The following ARHGAP42 variants were observed in gnomAD, a reference collection of about 807,000 sequenced individuals.
The protein encoded by ARHGAP42 is Rho GTPase activating protein 42, also known as rho GTPase-activating protein 42.
ARHGAP42 carries 63 observed loss-of-function variants against 125.0 expected under a neutral mutation model. The observed-to-expected ratio is 0.50, with a 90% confidence interval of 0.41 to 0.62. ARHGAP42 has a LOEUF of 0.62. ARHGAP42 is among the 20% of genes least tolerant of loss of function. ARHGAP42 has a pLI of 0.00. For missense variants in ARHGAP42, 766 were observed against 1,024.2 expected (o/e 0.75, Z 3.44); for synonymous variants, 339 against 351.0 (o/e 0.97, Z 0.38).
At chr11:100,921,127 G>T (rs1341932408) in intron 5 of ARHGAP42, among the ~76,000 whole-genome samples, 1 of 140,152 alleles carries the variant, frequency 7.1e-6, no homozygotes, top group Non-Finnish European at 1.5e-5. Context: ...CCACCATTTT[G>T]TCCCATAATT....
chr11:100,910,110 G>A (rs547732579), intron 4 of ARHGAP42, among the ~76,000 whole-genome samples: 190 of 152,196 alleles, frequency 1.2e-3, no homozygotes, highest in African/African-American at 4.5e-3. Flanking sequence ...AGACCCAAAT[G>A]TAGCTTACTT....
In ARHGAP42 at chr11:100,735,602, C is replaced by CTTTTT. The variant is rs58522622; in HGVS notation, c.155-34722_155-34718dup. Among the ~76,000 whole-genome samples, 23 of 73,058 alleles carry CTTTTT rather than the reference C, an allele frequency of 3.1e-4. 1 individual carries two copies. The highest frequency in any genetic ancestry group is 1.6e-3 in the South Asian group (3 of 1,908). 47.9% of individuals were successfully genotyped at this position (73,058 alleles called of 152,430 possible). On this transcript the variant is annotated intron_variant, in intron 1 of 23. Coordinates refer to ENST00000298815, the MANE Select transcript of ARHGAP42 (RefSeq NM_152432.4). ...GTGATTTGACAATATTTTACTTGTA[C>CTTTTT]TTTTTTTTTTTTTTTTTTTTTTTGA...
chr11:100,872,712 G>A (rs973825434), intron 4 of ARHGAP42, among the ~76,000 whole-genome samples: 2 of 152,044 alleles, frequency 1.3e-5, no homozygotes, highest in Non-Finnish European at 2.9e-5. Context: ...TTAATATATG[G>A]ACAGGATCTG....
intron 10 of ARHGAP42, among the ~76,000 whole-genome samples, chr11:100,946,791 AAGAATCACCAAAATGTGAT>A (rs907618263): frequency 1.3e-5 from 2 of 152,064 alleles, no homozygotes; most frequent in Admixed American, 6.6e-5. Flanking sequence ...CAAATATTGC[AAGAATCACCAAAATGTGAT>A]ACAGAGACAC....
chr11:100,939,344 A>G (rs1166805499), intron 8 of ARHGAP42, among the ~76,000 whole-genome samples: 1 of 152,146 alleles, frequency 6.6e-6, no homozygotes, highest in Admixed American at 6.6e-5. Context: ...TATTCTCGGT[A>G]GTGTCAATAA....
At chr11:100,936,382 A>T (rs1423732921) in intron 8 of ARHGAP42, 50 bp downstream of exon 8, 2 of 1,548,898 alleles carry the variant, frequency 1.3e-6, no homozygotes, top group Non-Finnish European at 1.7e-6. Context: ...AGCCACGATC[A>T]TGAGATGTGA....
chr11:100,773,282 A>G (rs1731537226), intron 2 of ARHGAP42, among the ~76,000 whole-genome samples: 1 of 152,202 alleles, frequency 6.6e-6, no homozygotes, highest in African/African-American at 2.4e-5. Flanking sequence ...AATTTTCCTT[A>G]TAAACTTTAA....
chr11:100,756,605 A>C (rs1187263689), intron 1 of ARHGAP42, among the ~76,000 whole-genome samples: 2 of 152,206 alleles, frequency 1.3e-5, no homozygotes, highest in African/African-American at 4.8e-5. Context: ...GGCCGATTAC[A>C]TGCTGATTAA....
At chr11:100,883,702 A>G (rs553520061) in intron 4 of ARHGAP42, among the ~76,000 whole-genome samples, 1 of 152,292 alleles carries the variant, frequency 6.6e-6, no homozygotes, top group Non-Finnish European at 1.5e-5. Context: ...ATTAATTGTA[A>G]AATTCTGAAA....
rs532026227 is a variant in ARHGAP42, at chr11:100,781,569, A to G, written c.250+11131A>G. 6.3e-4 allele frequency among the ~76,000 whole-genome samples: 96 copies of G among 152,284 alleles called. 1 individual carries two copies. The South Asian group carries it at 0.012, about 19-fold the overall frequency. On this transcript the variant is annotated intron_variant, in intron 2 of 23. Transcript: ENST00000298815. ...AAGCACCGAGAATTTGTCAGGTACC[A>G]TGTTAGGTGCTGAAGATACATCATT...
intron 1 of ARHGAP42, among the ~76,000 whole-genome samples, chr11:100,753,861 T>A (rs528515650): frequency 8.5e-5 from 13 of 152,188 alleles, no homozygotes; most frequent in Non-Finnish European, 1.9e-4. Context: ...AGACTTACAG[T>A]TTTTCCACCT....
At chr11:100,908,945 C>T (rs1357214935) in intron 4 of ARHGAP42, among the ~76,000 whole-genome samples, 1 of 152,186 alleles carries the variant, frequency 6.6e-6, no homozygotes, top group African/African-American at 2.4e-5. Context: ...GAGATGGTAT[C>T]TCATTGTGGT....
At chr11:100,811,312 C>T (rs1864136697) in intron 3 of ARHGAP42, among the ~76,000 whole-genome samples, 2 of 152,116 alleles carry the variant, frequency 1.3e-5, no homozygotes, top group South Asian at 4.1e-4. Flanking sequence ...GTATTGGATA[C>T]AGAACAACTC....
intron 4 of ARHGAP42, among the ~76,000 whole-genome samples, chr11:100,912,492 G>A (rs1294526153): frequency 6.6e-6 from 1 of 152,110 alleles, no homozygotes; most frequent in Non-Finnish European, 1.5e-5. Context: ...TGATCCAGAG[G>A]TTGCAGTTTC....
At chr11:100,905,719 G>A (rs1444735184) in intron 4 of ARHGAP42, among the ~76,000 whole-genome samples, 2 of 152,142 alleles carry the variant, frequency 1.3e-5, no homozygotes, top group Non-Finnish European at 2.9e-5. Flanking sequence ...GCTCACACCT[G>A]TAATCCTACC....
intron 1 of ARHGAP42, among the ~76,000 whole-genome samples, chr11:100,726,533 T>C (rs1455124127): frequency 6.6e-6 from 1 of 152,234 alleles, no homozygotes; most frequent in African/African-American, 2.4e-5. Context: ...ATAAATGCAA[T>C]GACAGTTACC....
chr11:100,868,004 A>T (rs1043656741), intron 4 of ARHGAP42, among the ~76,000 whole-genome samples: 1 of 152,208 alleles, frequency 6.6e-6, no homozygotes, highest in African/African-American at 2.4e-5. Flanking sequence ...TCACTGTTTT[A>T]TATAGGTGTG....
At chr11:100,820,711 T>C (rs1196863144) in intron 3 of ARHGAP42, among the ~76,000 whole-genome samples, 1 of 152,166 alleles carries the variant, frequency 6.6e-6, no homozygotes, top group Non-Finnish European at 1.5e-5. Context: ...TATAAACAGA[T>C]ACTTGGGATT....
intron 1 of ARHGAP42, among the ~76,000 whole-genome samples, chr11:100,733,181 G>T (rs1340649969): frequency 1.3e-5 from 2 of 152,156 alleles, no homozygotes; most frequent in Non-Finnish European, 2.9e-5. Context: ...TGAGCTGGTT[G>T]ACTCATGACA....
Sources: gnomAD v4.1 joint callset for allele counts (sites outside exome capture counted in the v4.1 genomes callset) on GRCh38, gnomAD v4.1.1 for gene constraint, MANE v1.5 for transcripts, NCBI Gene and HGNC (gene_info 2026-07-23, HGNC 2026-07-21) for gene names.